ANKS1B: variants seen among roughly 807,000 people sequenced by gnomAD.
The protein encoded by ANKS1B is ankyrin repeat and sterile alpha motif domain-containing protein 1B.
Under a neutral mutation model 148.3 loss-of-function variants are expected in ANKS1B, and 36 were observed. The observed-to-expected ratio is 0.24, with a 90% confidence interval of 0.19 to 0.32. The LOEUF is 0.32. Among genes scored for constraint, ANKS1B ranks in the 10% least tolerant of loss-of-function variants. The pLI, the probability that ANKS1B is intolerant of heterozygous loss-of-function variation, is 1.00. For missense variants in ANKS1B, 1,157 were observed against 1,542.6 expected, an observed-to-expected ratio of 0.75 and a Z score of 4.19; for synonymous variants, 542 against 560.8, an observed-to-expected ratio of 0.97 and a Z score of 0.47.
intron 14 of ANKS1B, among the ~76,000 whole-genome samples, chr12:99,225,032 C>G (rs1213360236): frequency 6.6e-6 from 1 of 152,116 alleles, no homozygotes; most frequent in Non-Finnish European, 1.5e-5. Context: ...TGTTTCAGAA[C>G]CAATGTGTGT....
intron 11 of ANKS1B, among the ~76,000 whole-genome samples, chr12:99,419,529 A>G (rs1042858615): frequency 1.3e-5 from 2 of 152,314 alleles, no homozygotes; most frequent in Non-Finnish European, 2.9e-5. Context: ...GGAAATAACA[A>G]TATAATGATT....
At position 98,751,510 on chromosome 12, in the gene ANKS1B, C is replaced by T; in HGVS notation, c.3592G>A (p.Glu1198Lys). The T allele has an allele frequency of 6.2e-7, 1 of 1,613,620 alleles. No homozygotes were observed. The highest frequency in any genetic ancestry group is 8.5e-7 in the Non-Finnish European group (1 of 1,179,794). Residue 1198 changes from glutamate (E) to lysine (K), a missense_variant, in exon 26 of 27, where the codon GAA becomes AAA. Transcript: ENST00000683438. The surrounding 1 kb of genome is among the most constrained non-coding windows in gnomAD (Gnocchi z 4.3). ...GCCTGTCCCAGGGTTAGGATGATTT[C>T]ATAGGCTAAATTCTGCAAGAAAAAT... ...FTAFDVNLAY[E>K]IILTLGQAFE...
At position 98,737,050 on chromosome 12, in the gene ANKS1B, G is replaced by A. The variant is rs2097777113; in HGVS notation, c.691-1416C>T. 2.0e-5 allele frequency among the ~76,000 whole-genome samples: 3 copies of A among 152,166 alleles called. No homozygotes were observed. In the South Asian group the frequency reaches 6.2e-4, roughly 32 times the overall value. On this transcript the variant is annotated intron_variant, in intron 9 of 9. Coordinates refer to the ANKS1B transcript ENST00000341752. ...CCTCCAGATTGTTGTAGGATTTAAT[G>A]AGATAAAGCTCCTGAAGCACTTATC...
At chr12:98,768,733 C>CAA (rs36034629) in intron 25 of ANKS1B, among the ~76,000 whole-genome samples, 16 of 80,576 alleles carry the variant, frequency 2.0e-4, no homozygotes, top group East Asian at 7.8e-4. Context: ...GACTCCATCT[C>CAA]AAAAAAAAAA....
At chr12:99,982,002 T>C (rs555578664) in intron 1 of ANKS1B, among the ~76,000 whole-genome samples, 3 of 152,284 alleles carry the variant, frequency 2.0e-5, no homozygotes, top group East Asian at 3.9e-4. Context: ...AGGAATGTCA[T>C]TTTATGCAAA....
chr12:99,741,135 C>T (rs1303418204), intron 8 of ANKS1B, among the ~76,000 whole-genome samples: 1 of 151,166 alleles, frequency 6.6e-6, no homozygotes, highest in African/African-American at 2.4e-5. Flanking sequence ...TTGAACCAGG[C>T]AGTCTGAGGT....
intron 14 of ANKS1B, among the ~76,000 whole-genome samples, chr12:99,177,221 G>C (rs2078507250): frequency 6.6e-6 from 1 of 152,260 alleles, no homozygotes; most frequent in Admixed American, 6.5e-5. Context: ...CCATACCTCT[G>C]TTCCCTGACG....
intron 12 of ANKS1B, among the ~76,000 whole-genome samples, chr12:99,370,044 C>A (rs896604882): frequency 6.6e-6 from 1 of 151,772 alleles, no homozygotes; most frequent in Non-Finnish European, 1.5e-5. Flanking sequence ...TACGATAGAA[C>A]ATAAAGAAGA....
intron 17 of ANKS1B, among the ~76,000 whole-genome samples, chr12:98,897,983 T>C (rs766400540): frequency 4.6e-5 from 7 of 152,120 alleles, no homozygotes; most frequent in Non-Finnish European, 8.8e-5. Context: ...CATGTTCTCA[T>C]TTACAAGTGG....
chr12:99,519,031 T>C (rs150211859), intron 9 of ANKS1B, among the ~76,000 whole-genome samples: 42 of 152,236 alleles, frequency 2.8e-4, no homozygotes, highest in African/African-American at 9.9e-4. Context: ...CTGTATAGTT[T>C]CCAAAATTCC....
At chr12:99,653,069 T>G (rs2098431918) in intron 9 of ANKS1B, among the ~76,000 whole-genome samples, 1 of 152,120 alleles carries the variant, frequency 6.6e-6, no homozygotes, top group East Asian at 1.9e-4. Flanking sequence ...CTAGAACATC[T>G]GAGGAATTAA....
intron 17 of ANKS1B, chr12:98,949,842 T>C (rs2099851388): frequency 1.3e-5 from 2 of 152,222 alleles, no homozygotes; most frequent in Admixed American, 1.3e-4. Context: ...TGCGGAGCTT[T>C]CTGAGTGAGT....
At chr12:99,959,099 A>ACTCAT (rs745906770) in intron 1 of ANKS1B, among the ~76,000 whole-genome samples, 138 of 142,366 alleles carry the variant, frequency 9.7e-4, no homozygotes, top group Non-Finnish European at 1.7e-3. Context: ...TCTGTTGCCC[A>ACTCAT]GGCTAGAGTG....
intron 9 of ANKS1B, among the ~76,000 whole-genome samples, chr12:99,584,755 G>T (rs2097610763): frequency 6.6e-6 from 1 of 152,122 alleles, no homozygotes; most frequent in African/African-American, 2.4e-5. Context: ...ATCTTATGTG[G>T]CAGCAGGCAA....
intron 5 of ANKS1B, among the ~76,000 whole-genome samples, chr12:99,780,708 A>G (rs1472993456): frequency 2.6e-5 from 4 of 152,234 alleles, no homozygotes; most frequent in African/African-American, 7.2e-5. Flanking sequence ...TCTCTGTACA[A>G]TATGGTAAAA....
At chr12:99,497,420 A>C (rs1372435895) in intron 10 of ANKS1B, among the ~76,000 whole-genome samples, 1 of 152,172 alleles carries the variant, frequency 6.6e-6, no homozygotes, top group Non-Finnish European at 1.5e-5. Flanking sequence ...AACAATAGAA[A>C]TGTATTGTGT....
At chr12:98,928,069 C>A (rs750291490) in intron 17 of ANKS1B, among the ~76,000 whole-genome samples, 2 of 151,018 alleles carry the variant, frequency 1.3e-5, no homozygotes, top group Admixed American at 6.6e-5. Context: ...AAAAAAGACT[C>A]GAATTTCAAA....
At chr12:99,424,042 T>G (rs2095177666) in intron 11 of ANKS1B, among the ~76,000 whole-genome samples, 1 of 152,248 alleles carries the variant, frequency 6.6e-6, no homozygotes, top group Admixed American at 6.5e-5. Flanking sequence ...TTAGGCTTTT[T>G]TCTATTTTAC....
chr12:99,355,265 G>A (rs2091862265), intron 12 of ANKS1B, among the ~76,000 whole-genome samples: 1 of 151,972 alleles, frequency 6.6e-6, no homozygotes, highest in South Asian at 2.1e-4. Context: ...TTTCATAATT[G>A]GTAAGTGGAG....
Sources: allele counts gnomAD v4.1 joint callset (sites outside exome capture counted in the v4.1 genomes callset), GRCh38; gene constraint gnomAD v4.1.1; non-coding constraint Gnocchi (gnomAD v3.1); transcripts MANE v1.5; gene names NCBI Gene and HGNC (gene_info 2026-07-23, HGNC 2026-07-21).